Variants in SLIT2 observed in about 807,000 individuals in gnomAD.
The protein encoded by SLIT2 is slit guidance ligand 2, also known as slit homolog 2 protein.
In SLIT2, 41 loss-of-function variants were observed where a neutral mutation model predicts 185.7. The ratio of observed to expected loss-of-function variants is 0.22; its 90% CI spans 0.17 to 0.29. The LOEUF (loss-of-function observed/expected upper bound fraction) is 0.29. Among genes scored for constraint, SLIT2 ranks in the 10% least tolerant of loss-of-function variants. The pLI is 1.00. For missense variants in SLIT2, 1,571 were observed against 1,909.0 expected (o/e 0.82, Z 3.30); for synonymous variants, 693 against 680.2 (o/e 1.02, Z -0.29).
intron 4 of SLIT2, among the ~76,000 whole-genome samples, chr4:20,411,541 T>A (rs1248781119): frequency 3.9e-5 from 6 of 152,218 alleles, no homozygotes; most frequent in Non-Finnish European, 8.8e-5. Context: ...TCAGGCTTTG[T>A]GTCTTACTAG....
intron 9 of SLIT2, among the ~76,000 whole-genome samples, chr4:20,495,949 T>C (rs1487650110): frequency 3.9e-5 from 6 of 152,176 alleles, no homozygotes; most frequent in Non-Finnish European, 1.5e-5. Flanking sequence ...CAGGTTTTTA[T>C]TCCATGATGA....
At position 20,254,875 on chromosome 4, in the gene SLIT2, C is replaced by T. The variant is rs567768613; in HGVS notation, c.179+881C>T. ...ACGTGGCAGCAGTTCCCCTGCCTTC[C>T]CCTCTTCGCGCTCCGTTGCTCGCAG... On this transcript the variant is annotated intron_variant, in intron 1 of 36. Coordinates refer to ENST00000504154, the MANE Select transcript of SLIT2 (RefSeq NM_004787.4). This position sits in a 1 kb window ranked among gnomAD's most constrained non-coding sequence, Gnocchi z 5.1. 23 of 455,374 alleles carry T rather than the reference C, an allele frequency of 5.1e-5. No individual in the cohort carries two copies. The highest frequency in any genetic ancestry group is 4.2e-4 in the African/African-American group (21 of 50,216). 28.2% of individuals were successfully genotyped at this position (455,374 alleles called of 1,614,324 possible).
intron 4 of SLIT2, among the ~76,000 whole-genome samples, chr4:20,314,702 G>A (rs1171840392): frequency 2.0e-5 from 3 of 151,966 alleles, no homozygotes; most frequent in African/African-American, 7.2e-5. Context: ...TATGAAAAGA[G>A]GTCTTATGAC....
intron 4 of SLIT2, among the ~76,000 whole-genome samples, chr4:20,321,003 A>G (rs1719029975): frequency 6.6e-6 from 1 of 152,220 alleles, no homozygotes. Context: ...GTCTCTGCTA[A>G]AAATTAGCCA....
chr4:20,595,579 C>T, intron 30 of SLIT2, 118 bp from the exon 31 acceptor site: 2 of 1,280,414 alleles, frequency 1.6e-6, no homozygotes, highest in Non-Finnish European at 2.2e-6. Flanking sequence ...TGTGGGGGCT[C>T]TATGAGCCTA....
intron 4 of SLIT2, among the ~76,000 whole-genome samples, chr4:20,459,421 G>A (rs1713453215): frequency 6.6e-6 from 1 of 152,192 alleles, no homozygotes; most frequent in African/African-American, 2.4e-5. Context: ...AAATAGGAGT[G>A]AGGGTGAGAA....
At chr4:20,550,751 T>G in intron 24 of SLIT2, 76 bp from the exon 25 acceptor site, 2 of 860,380 alleles carry the variant, frequency 2.3e-6, no homozygotes, top group Non-Finnish European at 3.7e-6. Context: ...TATTATAAAC[T>G]AAAGTCTCGG....
chr4:20,279,535 T>C (rs1714515873), intron 4 of SLIT2, among the ~76,000 whole-genome samples: 1 of 152,214 alleles, frequency 6.6e-6, no homozygotes, highest in Non-Finnish European at 1.5e-5. Flanking sequence ...TACATTATAA[T>C]GTGGTACAGA....
chr4:20,539,859 T>A (rs141516753), intron 19 of SLIT2, among the ~76,000 whole-genome samples: 21 of 152,326 alleles, frequency 1.4e-4, no homozygotes, highest in African/African-American at 4.1e-4. Context: ...ATTTTAGAAT[T>A]ATTATAACTT....
In SLIT2 at chr4:20,610,120, T is replaced by G; in HGVS notation, c.3800T>G (p.Leu1267Trp). ...DGGNPKIITN[L>W]SKQSTLNFDS... is the part of the protein sequence containing the mutation. ...GGGAACCCCAAAATCATCACTAACT[T>G]GTCAAAGCAGTCCACTCTGAATTTT... Residue 1267 changes from leucine to tryptophan, a missense_variant, in exon 34 of 37, where the codon TTG becomes TGG. By Grantham distance (61) the Leu-to-Trp change is moderately conservative. Coordinates refer to ENST00000504154, the MANE Select transcript of SLIT2 (RefSeq NM_004787.4). The G allele has an allele frequency of 6.2e-7, 1 of 1,613,796 alleles. No homozygotes were observed. Among genetic ancestry groups the G allele is most frequent in the Non-Finnish European group, 8.5e-7 (1 of 1,179,768 alleles).
intron 9 of SLIT2, among the ~76,000 whole-genome samples, chr4:20,502,288 G>A (rs951485478): frequency 6.6e-6 from 1 of 152,144 alleles, no homozygotes. Context: ...ACTCCAACTG[G>A]TTTCTCTTCA....
At chr4:20,473,427 A>G (rs1192935785) in intron 5 of SLIT2, among the ~76,000 whole-genome samples, 1 of 152,032 alleles carries the variant, frequency 6.6e-6, no homozygotes, top group African/African-American at 2.4e-5. Context: ...ATCATTTGGA[A>G]AATAAATATA....
At position 20,620,227 on chromosome 4, in the gene SLIT2, G is replaced by T. The variant is rs925815043; in HGVS notation, c.*1218G>T. 3 of 318,958 alleles carry T rather than the reference G, an allele frequency of 9.4e-6. No homozygotes were observed. The highest frequency in any genetic ancestry group is 4.4e-5 in the African/African-American group (2 of 45,564). The allele number at this position is 318,958 out of a possible 1,614,324, so 19.8% of individuals were successfully genotyped here. A position where few individuals can be genotyped will look rare whatever the true frequency, so the allele number is the denominator to read the frequency against. On this transcript the variant is annotated 3_prime_UTR_variant, in exon 37 of 37. Coordinates refer to ENST00000504154, the MANE Select transcript of SLIT2 (RefSeq NM_004787.4). ...CTTGACCTTTTTTGCCCTTTTGTGG[G>T]GGTGAGGTGGGGATAAAAAGACTGT...
chr4:20,285,506 A>T lies in SLIT2; in HGVS notation c.395+16625A>T, dbSNP rs528171618. ...ACTGATACTTCATATGTATTGCAGC[A>T]GGCAGGCTGTAGGGCAAATACATAG... is the stretch of plus-strand genomic sequence containing the variant. On this transcript the variant is annotated intron_variant, in intron 4 of 36. Coordinates refer to ENST00000504154, the MANE Select transcript of SLIT2 (RefSeq NM_004787.4). Among the ~76,000 whole-genome samples, 7 of 152,326 alleles carry T rather than the reference A, an allele frequency of 4.6e-5. No homozygotes were observed. The South Asian group carries it at 1.5e-3, about 32-fold the overall frequency.
chr4:20,486,492 A>T (rs1717252970), intron 7 of SLIT2, among the ~76,000 whole-genome samples: 1 of 150,830 alleles, frequency 6.6e-6, no homozygotes, highest in Non-Finnish European at 1.5e-5. Flanking sequence ...CTTTGGAGTT[A>T]AAAAAAAACA....
At chr4:20,308,008 C>T (rs944894433) in intron 4 of SLIT2, among the ~76,000 whole-genome samples, 4 of 152,200 alleles carry the variant, frequency 2.6e-5, no homozygotes, top group Admixed American at 1.3e-4. Flanking sequence ...CTTTGAAAGA[C>T]TCACATGCCA....
chr4:20,425,521 T>C (rs1288222165), intron 4 of SLIT2, among the ~76,000 whole-genome samples: 1 of 152,168 alleles, frequency 6.6e-6, no homozygotes, highest in Non-Finnish European at 1.5e-5. Context: ...GTGTGTGGTG[T>C]ATATCTACTG....
intron 19 of SLIT2, 75 bp downstream of exon 19, chr4:20,539,659 A>G: frequency 1.1e-6 from 1 of 950,528 alleles, no homozygotes; most frequent in Non-Finnish European, 1.5e-6. Context: ...ATATATTATT[A>G]AGCATTTCAT....
chr4:20,346,403 C>T (rs947634758), intron 4 of SLIT2, among the ~76,000 whole-genome samples: 3 of 152,082 alleles, frequency 2.0e-5, no homozygotes, highest in African/African-American at 2.4e-5. Context: ...CAGAAATTGC[C>T]AAATATCCTC....
Sources: allele counts gnomAD v4.1 joint callset (sites outside exome capture counted in the v4.1 genomes callset), GRCh38; gene constraint gnomAD v4.1.1; non-coding constraint Gnocchi (gnomAD v3.1); transcripts MANE v1.5; gene names NCBI Gene and HGNC (gene_info 2026-07-23, HGNC 2026-07-21).